MYO7B: variants seen among roughly 807,000 people sequenced by gnomAD.
MYO7B encodes unconventional myosin-VIIb.
In MYO7B, 212 loss-of-function variants were observed where a neutral mutation model predicts 259.7. The observed-to-expected ratio is 0.82, with a 90% CI of 0.73 to 0.91. The LOEUF (loss-of-function observed/expected upper bound fraction) is 0.91. Among genes scored for constraint, MYO7B ranks in the 40% least tolerant of loss-of-function variants. The pLI is 0.00. For missense variants in MYO7B, 2,732 were observed against 2,813.5 expected (o/e 0.97, Z 0.66); for synonymous variants, 1,197 against 1,166.4 (o/e 1.03, Z -0.54).
In MYO7B at chr2:127,625,491, C is replaced by A. The variant is rs771975890; in HGVS notation, c.4171C>A (p.Pro1391Thr). 9.9e-6 allele frequency: 16 copies of A among 1,610,654 alleles called. No homozygotes were observed. The highest frequency in any genetic ancestry group is 8.8e-5 in the South Asian group (8 of 90,870). ...CCCCCACAAGCTGTACAGGACCAAGCCCCCAGACAGGTGGGCGAGCCTCGT... is the reference window on the plus strand; with the variant it reads ...CCCCCACAAGCTGTACAGGACCAAGACCCCAGACAGGTGGGCGAGCCTCGT... ...CIPHKLYRTK[P>T]PDRWASLVTA... is the part of the protein sequence containing the mutation. Residue 1391 changes from proline to threonine, a missense_variant, in exon 31 of 48, where the codon CCC (proline) becomes ACC (threonine). By Grantham distance (38) the Pro-to-Thr change is conservative. This residue lies in a region of MYO7B where 1,906 missense variants were observed against 2,026.4 expected (regional missense o/e 0.94). Coordinates refer to ENST00000409816, the MANE Select transcript of MYO7B (RefSeq NM_001393586.1).
At position 127,632,365 on chromosome 2, in the gene MYO7B, C is replaced by A; in HGVS notation, c.5369C>A (p.Ala1790Asp). 6.3e-7 allele frequency: 1 copy of A among 1,586,960 alleles called. No homozygotes were observed. Residue 1790 changes from alanine (A) to aspartate (D), a missense_variant, in exon 39 of 48, where the codon GCC becomes GAC. Ala to Asp is a moderately radical substitution (Grantham distance 126, BLOSUM62 -2). Around this residue, in one of 3 missense-constraint regions of MYO7B, gnomAD observed 821 missense variants for 769.3 expected, o/e 1.07. Coordinates refer to ENST00000409816, the MANE Select transcript of MYO7B (RefSeq NM_001393586.1). ...GACACTCGGAGGGGGAAGCTGCTGG[C>A]CCCCGACTGCAGCCGCCGAATCCAG... ...FIDTRRGKLL[A>D]PDCSRRIQKV...
intron 26 of MYO7B, among the ~76,000 whole-genome samples, chr2:127,616,540 AT>A (rs1383998402): frequency 2.0e-5 from 3 of 152,372 alleles, no homozygotes; most frequent in Non-Finnish European, 4.4e-5. Context: ...TGGGGTTACA[AT>A]AATGCCCTGT....
chr2:127,606,605 G>A (rs1419813385), intron 20 of MYO7B, among the ~76,000 whole-genome samples: 1 of 152,226 alleles, frequency 6.6e-6, no homozygotes, highest in African/African-American at 2.4e-5. Context: ...GTTTCCCCAA[G>A]AGCATGAGAC....
rs754954863 is a variant in MYO7B, at chr2:127,625,588, G to C, written c.4215+53G>C. The C allele has an allele frequency of 4.0e-6, 6 of 1,502,746 alleles. No homozygotes were observed. The African/African-American group carries it at 5.6e-5, about 14-fold the overall frequency. The allele number at this position is 1,502,746 out of a possible 1,614,324, so 93.1% of individuals were successfully genotyped here. On this transcript the variant is annotated intron_variant, in intron 31 of 47. Coordinates refer to ENST00000409816, the MANE Select transcript of MYO7B (RefSeq NM_001393586.1). ...ACCCGAGGGCTCTCCTTTGGGAGGT[G>C]GGGGGGCTCATGGTATACAGAGGAG... is the stretch of plus-strand genomic sequence containing the variant.
chr2:127,597,201 A>G lies in MYO7B; in HGVS notation c.2339+645A>G, dbSNP rs1176927543. On this transcript the variant is annotated intron_variant, in intron 19 of 47. Coordinates refer to ENST00000409816, the MANE Select transcript of MYO7B (RefSeq NM_001393586.1). The surrounding 1 kb of genome is among the most constrained non-coding windows in gnomAD (Gnocchi z 4.8). ...GCCAGACCCTGGTGCTGCTGATCTC[A>G]GGACAACAGGCCGCATCTGACCAAA... is the stretch of plus-strand genomic sequence containing the variant. 6.6e-6 allele frequency among the ~76,000 whole-genome samples: 1 copy of G among 152,274 alleles called. No individual in the cohort carries two copies. The highest frequency in any genetic ancestry group is 2.4e-5 in the African/African-American group (1 of 41,482).
At position 127,576,781 on chromosome 2, in the gene MYO7B, C is replaced by A; in HGVS notation, c.849+73C>A. The A allele has an allele frequency of 1.8e-6, 2 of 1,123,800 alleles. No homozygotes were observed. The highest frequency in any genetic ancestry group is 1.4e-5 in the South Asian group (1 of 69,122). 69.6% of individuals were successfully genotyped at this position (1,123,800 alleles called of 1,614,324 possible). A position where few individuals can be genotyped will look rare whatever the true frequency, so the allele number is the denominator to read the frequency against. On this transcript the variant is annotated intron_variant, in intron 8 of 47. Coordinates refer to ENST00000409816, the MANE Select transcript of MYO7B (RefSeq NM_001393586.1). The surrounding 1 kb of genome is among the most constrained non-coding windows in gnomAD (Gnocchi z 4.9). ...AAAGAGCTTGTGCCGCTCCACCCTC[C>A]GCGACAGCTGCAGAGAAGCCCAACG...
In MYO7B at chr2:127,566,740, G is replaced by A; in HGVS notation, c.383G>A (p.Gly128Asp). The A allele has an allele frequency of 1.9e-6, 3 of 1,612,938 alleles. No homozygotes were observed. The highest frequency in any genetic ancestry group is 2.5e-6 in the Non-Finnish European group (3 of 1,179,856). Residue 128 changes from glycine (G) to aspartate (D), a missense_variant, in exon 5 of 48, where the codon GGC (glycine) becomes GAC (aspartate). Physicochemically the swap from Gly to Asp is moderately conservative, Grantham distance 94. This residue lies in a region of MYO7B where 1,906 missense variants were observed against 2,026.4 expected (regional missense o/e 0.94). Transcript: ENST00000409816. ...CAGCTCTACTACAGCCGCCATATGGGCGAGCTGCCCCCGCATGTCTTTGCC... is the reference window on the plus strand; with the variant it reads ...CAGCTCTACTACAGCCGCCATATGGACGAGCTGCCCCCGCATGTCTTTGCC... ...QVQLYYSRHMGELPPHVFAIA... is the reference protein window; with the variant it reads ...QVQLYYSRHMDELPPHVFAIA...
intron 19 of MYO7B, among the ~76,000 whole-genome samples, chr2:127,605,229 G>A (rs746902384): frequency 1.1e-4 from 16 of 152,176 alleles, no homozygotes; most frequent in Admixed American, 3.3e-4. Context: ...ATAAAAATGC[G>A]GAAGTAAGTT....
chr2:127,605,084 A>G (rs1201943686), intron 19 of MYO7B, among the ~76,000 whole-genome samples: 1 of 152,252 alleles, frequency 6.6e-6, no homozygotes, highest in African/African-American at 2.4e-5. Context: ...TAACATCATA[A>G]TAAACTGAGG....
In MYO7B at chr2:127,584,152, C is replaced by T. The variant is rs374298824; in HGVS notation, c.1374C>T (p.Asn458=). ...AGCAGCTCTGCATCAACTTCGCCAA[C>T]GAGCACCTGCAGCAGTTCTTTGTGC... ...SFEQLCINFA[N]EHLQQFFVQH... is the part of the protein sequence containing the mutation. The change falls in exon 13 of 48, where the codon AAC becomes AAT. Residue 458 remains asparagine (N), a synonymous_variant. Transcript: ENST00000409816. The surrounding 1 kb of genome is among the most constrained non-coding windows in gnomAD (Gnocchi z 5.8). 1.2e-4 allele frequency: 191 copies of T among 1,613,576 alleles called. No individual in the cohort carries two copies. The highest frequency in any genetic ancestry group is 1.5e-4 in the Non-Finnish European group (173 of 1,179,760).
At chr2:127,624,627 CCCTAACA>C (rs1681013762) in intron 30 of MYO7B, among the ~76,000 whole-genome samples, 1 of 152,210 alleles carries the variant, frequency 6.6e-6, no homozygotes, top group Non-Finnish European at 1.5e-5. Flanking sequence ...GGCCTTGGAG[CCCTAACA>C]CCTAAGTCTG....
At chr2:127,593,008 C>T in intron 17 of MYO7B, 62 bp downstream of exon 17, 1 of 1,454,316 alleles carries the variant, frequency 6.9e-7, no homozygotes, top group Non-Finnish European at 9.4e-7. Flanking sequence ...GGCCTTGGCA[C>T]CTCCAGCCCC....
At chr2:127,617,017 T>C (rs1680594387) in intron 26 of MYO7B, among the ~76,000 whole-genome samples, 1 of 152,220 alleles carries the variant, frequency 6.6e-6, no homozygotes, top group Non-Finnish European at 1.5e-5. Flanking sequence ...TTTCCCACTT[T>C]AGGGCTTAAC....
At chr2:127,562,324 AG>A (rs1678123641) in intron 2 of MYO7B, among the ~76,000 whole-genome samples, 1 of 151,878 alleles carries the variant, frequency 6.6e-6, no homozygotes, top group Non-Finnish European at 1.5e-5. Context: ...CTTTTTTGAC[AG>A]AGTCTCTGTC....
rs1199430483 is a variant in MYO7B, at chr2:127,627,290, C to T, written c.4440C>T (p.Val1480=). The T allele has an allele frequency of 5.6e-6, 9 of 1,612,836 alleles. No individual in the cohort carries two copies. Among genetic ancestry groups the T allele is most frequent in the Admixed American group, 3.3e-5 (2 of 59,922 alleles). ...TGCTGGAACTCTCTTTCCCAGAGGT[C>T]ATGGGTCTGGCCACCAACAGGTGCG... ...KMLLELSFPE[V]MGLATNREAQ... is the part of the protein sequence containing the mutation. Residue 1480 remains valine (V), a synonymous_variant, in exon 33 of 48, where the codon GTC becomes GTT. Transcript: ENST00000409816. This position sits in a 1 kb window ranked among gnomAD's most constrained non-coding sequence, Gnocchi z 5.6.
At chr2:127,580,683 C>T (rs367701796) in intron 9 of MYO7B, 63 bp from the exon 10 acceptor site, 33 of 1,504,042 alleles carry the variant, frequency 2.2e-5, no homozygotes, top group South Asian at 1.8e-4. Flanking sequence ...CCGGGCCAGT[C>T]GGGACCTTGC....
chr2:127,546,342 C>T lies in MYO7B; in HGVS notation c.-24+10511C>T, dbSNP rs1693227664. On this transcript the variant is annotated intron_variant, in intron 1 of 47. Coordinates refer to ENST00000409816, the MANE Select transcript of MYO7B (RefSeq NM_001393586.1). This position sits in a 1 kb window ranked among gnomAD's most constrained non-coding sequence, Gnocchi z 4.2. The stretch of plus-strand genomic sequence containing the variant: ...GAGAACCTGTGGAAAGTGCCCTGCA[C>T]ACAACCTGGCACTCAGCTGCTTGCC... 6.6e-6 allele frequency among the ~76,000 whole-genome samples: 1 copy of T among 152,230 alleles called. No homozygotes were observed. The highest frequency in any genetic ancestry group is 2.4e-5 in the African/African-American group (1 of 41,464).
intron 42 of MYO7B, 67 bp downstream of exon 42, chr2:127,634,750 C>T: frequency 7.3e-7 from 1 of 1,368,642 alleles, no homozygotes; most frequent in Non-Finnish European, 1.0e-6. Context: ...CTGGCGGCCT[C>T]TGTGCGGCCC....
Position 127,630,896 on chromosome 2 carries a change from A to G in MYO7B, c.4925A>G (p.Tyr1642Cys). The G allele has an allele frequency of 1.3e-6, 2 of 1,585,264 alleles. No homozygotes were observed. The highest frequency in any genetic ancestry group is 1.7e-6 in the Non-Finnish European group (2 of 1,165,908). ...EKLHTLEEFS[Y>C]EFFRAPEKDM... Reference sequence around the variant, plus strand: ...CTGCACACCCTGGAGGAGTTCTCCTATGAGTTCTTCAGGTGCCCCCCAGCC... The same window carrying G: ...CTGCACACCCTGGAGGAGTTCTCCTGTGAGTTCTTCAGGTGCCCCCCAGCC... The change falls in exon 36 of 48, where the codon TAT becomes TGT. Residue 1642 changes from tyrosine (Y) to cysteine (C), a missense_variant. Physicochemically the swap from Tyr to Cys is radical, Grantham distance 194. This residue lies in a region of MYO7B where 821 missense variants were observed against 769.3 expected (regional missense o/e 1.07). Coordinates refer to ENST00000409816, the MANE Select transcript of MYO7B (RefSeq NM_001393586.1).
Sources: gnomAD v4.1 joint callset for allele counts (sites outside exome capture counted in the v4.1 genomes callset) on GRCh38, gnomAD v4.1.1 for gene constraint, gnomAD v4.1.1 regional missense constraint, Gnocchi (gnomAD v3.1) non-coding constraint, MANE v1.5 for transcripts, NCBI Gene and HGNC (gene_info 2026-07-23, HGNC 2026-07-21) for gene names.